CCSER2: variants seen among roughly 807,000 people sequenced by gnomAD.
The protein encoded by CCSER2 is coiled-coil serine rich protein 2, also known as serine-rich coiled-coil domain-containing protein 2.
A neutral mutation model predicts 92.3 loss-of-function variants in CCSER2; 46 were observed. That is an observed-to-expected ratio of 0.50 (90% CI 0.39 to 0.64). CCSER2 has a LOEUF of 0.64. Ranked by LOEUF, CCSER2 falls within the 30% of genes least tolerant of loss-of-function variation. The pLI is 0.00. For missense variants in CCSER2, 1,244 were observed against 1,238.9 expected, an observed-to-expected ratio of 1.00 and a Z score of -0.06; for synonymous variants, 433 against 431.4, an observed-to-expected ratio of 1.00 and a Z score of -0.04.
intron 3 of CCSER2, among the ~76,000 whole-genome samples, chr10:84,398,208 G>C (rs1200834412): frequency 2.6e-5 from 4 of 152,108 alleles, no homozygotes; most frequent in Non-Finnish European, 5.9e-5. Flanking sequence ...TCCTTCCTCT[G>C]TCTTCAAACC....
At chr10:84,381,991 G>A (rs1393586389) in intron 3 of CCSER2, among the ~76,000 whole-genome samples, 6 of 151,822 alleles carry the variant, frequency 4.0e-5, no homozygotes, top group African/African-American at 1.5e-4. Flanking sequence ...GTCACAACTG[G>A]TTGCTGGAGG....
At chr10:84,461,480 T>C (rs545422462) in intron 6 of CCSER2, among the ~76,000 whole-genome samples, 22 of 152,290 alleles carry the variant, frequency 1.4e-4, no homozygotes, top group Non-Finnish European at 2.4e-4. Flanking sequence ...TCTGTCAATT[T>C]TTTTTGACCA....
intron 1 of CCSER2, among the ~76,000 whole-genome samples, chr10:84,353,763 G>A (rs1206578085): frequency 4.6e-5 from 7 of 152,110 alleles, no homozygotes; most frequent in African/African-American, 1.7e-4. Context: ...GTCTCCTAAT[G>A]GGACTGGAAG....
chr10:84,338,228 G>A (rs1843950820), intron 1 of CCSER2, among the ~76,000 whole-genome samples: 1 of 150,726 alleles, frequency 6.6e-6, no homozygotes, highest in South Asian at 2.1e-4. Flanking sequence ...AGGTTGCAGT[G>A]AGCCGAGATC....
rs1203506798 is a variant in CCSER2 at position 84,518,275 on chromosome 10, CT to C, written c.*4011del. ...ATCTTGTTGGGAATAAGCTTACCCA[CT>C]TTCTCCTTGGTAAAGCGTTTACTTA... On this transcript the variant is annotated 3_prime_UTR_variant, in exon 10 of 10. Coordinates refer to ENST00000372088, the MANE Select transcript of CCSER2 (RefSeq NM_001284240.2). 2.0e-5 allele frequency: 3 copies of C among 152,584 alleles called. No homozygotes were observed. The highest frequency in any genetic ancestry group is 4.4e-5 in the Non-Finnish European group (3 of 68,034). 9.5% of individuals were successfully genotyped at this position (152,584 alleles called of 1,614,324 possible).
intron 3 of CCSER2, among the ~76,000 whole-genome samples, chr10:84,381,153 G>GGGAT (rs1400790569): frequency 6.6e-6 from 1 of 152,134 alleles, no homozygotes; most frequent in Non-Finnish European, 1.5e-5. Context: ...ACTAACTCAT[G>GGGAT]GGATTACTAT....
chr10:84,357,242 C>T (rs1845223328), intron 1 of CCSER2, among the ~76,000 whole-genome samples: 1 of 150,386 alleles, frequency 6.6e-6, no homozygotes, highest in South Asian at 2.1e-4. Context: ...AGACACAAGA[C>T]TATATGTGTA....
chr10:84,381,604 G>A (rs1369776214), intron 3 of CCSER2, among the ~76,000 whole-genome samples: 1 of 152,142 alleles, frequency 6.6e-6, no homozygotes, highest in East Asian at 1.9e-4. Context: ...CCATCCCCCA[G>A]TGAAACCTTG....
At chr10:84,423,800 A>G (rs898236686) in intron 4 of CCSER2, among the ~76,000 whole-genome samples, 9 of 152,138 alleles carry the variant, frequency 5.9e-5, no homozygotes, top group African/African-American at 2.2e-4. Flanking sequence ...TGAATATAAT[A>G]CAAATATGAA....
At chr10:84,436,497 T>C (rs1844159007) in intron 5 of CCSER2, among the ~76,000 whole-genome samples, 1 of 149,436 alleles carries the variant, frequency 6.7e-6, no homozygotes, top group African/African-American at 2.5e-5. Context: ...TAGCCCGGCG[T>C]GCTGGCGGGC....
Position 84,491,316 on chromosome 10 carries a change from TG to T in CCSER2, c.2325+13654del, listed in dbSNP as rs1161750033. On this transcript the variant is annotated intron_variant, in intron 9 of 9. Transcript: ENST00000372088. ...GCAGAGGTTTCTGCTGCCTTTTGTT[TG>T]GCTGTGCCCTGCCCCCAGAGGTGGA... Among the ~76,000 whole-genome samples, 8 of 152,320 alleles carry T rather than the reference TG, an allele frequency of 5.3e-5. No homozygotes were observed. In the East Asian group the frequency reaches 1.5e-3, roughly 29 times the overall value.
intron 9 of CCSER2, among the ~76,000 whole-genome samples, chr10:84,478,434 A>G (rs1425126957): frequency 6.6e-6 from 1 of 152,192 alleles, no homozygotes; most frequent in Non-Finnish European, 1.5e-5. Flanking sequence ...TAGGAGTGGA[A>G]TCCTAGTAAC....
rs1305670126 is a variant in CCSER2 at position 84,372,467 on chromosome 10, C to G, written c.1415C>G (p.Ser472Cys). 1.3e-6 allele frequency: 2 copies of G among 1,524,594 alleles called. No homozygotes were observed. The highest frequency in any genetic ancestry group is 1.8e-6 in the Non-Finnish European group (2 of 1,133,928). The allele number at this position is 1,524,594 out of a possible 1,614,324, so 94.4% of individuals were successfully genotyped here. ...KTDEWIDISV[S>C]DRSECTKHTS... is the part of the protein sequence containing the mutation. ...GATGAATGGATAGATATAAGTGTCT[C>G]TGGTAAATATTACTTACCTTAAGTT... Residue 472 changes from serine to cysteine, a missense_variant and splice_region_variant, in exon 2 of 10, where the codon TCT becomes TGT. Coordinates refer to ENST00000372088, the MANE Select transcript of CCSER2 (RefSeq NM_001284240.2).
Position 84,403,568 on chromosome 10 carries a change from A to G in CCSER2, c.1615-14203A>G, listed in dbSNP as rs1418664012. Among the ~76,000 whole-genome samples the G allele has an allele frequency of 2.6e-5, 4 of 152,270 alleles. No homozygotes were observed. In the East Asian group the frequency reaches 7.7e-4, roughly 29 times the overall value. ...TTCTCGTGTCCAAAATATCTAACAA[A>G]CTCTGAAGTTGAACAATACAAAATA... On this transcript the variant is annotated intron_variant, in intron 3 of 9. Transcript: ENST00000372088.
intron 3 of CCSER2, among the ~76,000 whole-genome samples, chr10:84,406,041 A>G (rs1842358966): frequency 6.6e-6 from 1 of 152,230 alleles, no homozygotes; most frequent in African/African-American, 2.4e-5. Context: ...ACTAGAAAGA[A>G]TCGAAATATC....
chr10:84,492,627 G>A (rs547653816), intron 9 of CCSER2, among the ~76,000 whole-genome samples: 47 of 152,304 alleles, frequency 3.1e-4, no homozygotes, highest in Middle Eastern at 3.4e-3. Context: ...TTTTTATCAA[G>A]TTGAAGTAGT....
chr10:84,512,315 T>G (rs933630645), intron 9 of CCSER2, among the ~76,000 whole-genome samples: 1 of 150,744 alleles, frequency 6.6e-6, no homozygotes, highest in Non-Finnish European at 1.5e-5. Context: ...GAATTTCATG[T>G]TGTAAAGCCC....
chr10:84,386,982 G>T (rs1202251160), intron 3 of CCSER2, among the ~76,000 whole-genome samples: 1 of 152,094 alleles, frequency 6.6e-6, no homozygotes, highest in Admixed American at 6.5e-5. Context: ...TACCTATTGG[G>T]TACAGTGTTC....
chr10:84,457,280 T>TATATAAAATATATTATATATA (rs1845723141), intron 6 of CCSER2, among the ~76,000 whole-genome samples: 2 of 18,284 alleles, frequency 1.1e-4, no homozygotes, highest in African/African-American at 6.6e-4. Flanking sequence ...TATAATATAT[T>TATATAAAATATATTATATATA]ATATATTATA....
Sources: allele counts gnomAD v4.1 joint callset (sites outside exome capture counted in the v4.1 genomes callset), GRCh38; gene constraint gnomAD v4.1.1; transcripts MANE v1.5; gene names NCBI Gene and HGNC (gene_info 2026-07-23, HGNC 2026-07-21).